The following DNAH6 variants were observed in gnomAD, a reference collection of about 807,000 sequenced individuals.
DNAH6 encodes the protein dynein axonemal heavy chain 6.
DNAH6 carries 340 observed loss-of-function variants against 491.4 expected under a neutral mutation model. The ratio of observed to expected loss-of-function variants is 0.69; its 90% CI spans 0.63 to 0.76. The LOEUF (loss-of-function observed/expected upper bound fraction) is 0.76, where lower values mean the gene tolerates loss of function less well. DNAH6 is among the 30% of genes least tolerant of loss of function. DNAH6 has a pLI of 0.00. For missense variants in DNAH6, 4,443 were observed against 4,972.2 expected (o/e 0.89, Z 3.20); for synonymous variants, 1,603 against 1,686.1 (o/e 0.95, Z 1.21).
At chr2:84,771,885 G>A (rs975435070) in intron 64 of DNAH6, among the ~76,000 whole-genome samples, 7 of 152,108 alleles carry the variant, frequency 4.6e-5, no homozygotes, top group Non-Finnish European at 7.4e-5. Flanking sequence ...TTCACACGAA[G>A]AAATAAATAA....
intron 61 of DNAH6, among the ~76,000 whole-genome samples, chr2:84,730,692 T>C (rs917821813): frequency 2.6e-5 from 4 of 152,238 alleles, no homozygotes; most frequent in African/African-American, 7.2e-5. Context: ...AAGCATTTTC[T>C]CTTAATGCTA....
At chr2:84,552,815 C>A in intron 9 of DNAH6, 103 bp from the exon 10 acceptor site, 1 of 550,636 alleles carries the variant, frequency 1.8e-6, no homozygotes. Context: ...ATAATGAATT[C>A]AGCTAATTAT....
chr2:84,812,023 T>A (rs1194447424), intron 72 of DNAH6, among the ~76,000 whole-genome samples: 3 of 152,178 alleles, frequency 2.0e-5, no homozygotes, highest in Non-Finnish European at 4.4e-5. Context: ...CTATTTTTCT[T>A]TTGGCCTGGA....
chr2:84,776,060 T>C (rs1320433919), intron 64 of DNAH6, among the ~76,000 whole-genome samples: 1 of 152,218 alleles, frequency 6.6e-6, no homozygotes, highest in Admixed American at 6.5e-5. Flanking sequence ...TATATGTAGA[T>C]CTTTTCACAT....
At chr2:84,738,373 T>C (rs1192321) in intron 62 of DNAH6, among the ~76,000 whole-genome samples, 5,502 of 152,064 alleles carry the variant, frequency 0.036, 149 homozygotes, top group South Asian at 0.062. Context: ...CAAATGGTCA[T>C]GTCGAATTTA....
chr2:84,625,679 A>G (rs1687795265), intron 29 of DNAH6, among the ~76,000 whole-genome samples: 1 of 152,206 alleles, frequency 6.6e-6, no homozygotes, highest in Non-Finnish European at 1.5e-5. Flanking sequence ...GTTTTTGTAA[A>G]ACAAAACTTC....
At chr2:84,741,140 A>G (rs1158393207) in intron 62 of DNAH6, among the ~76,000 whole-genome samples, 9 of 152,096 alleles carry the variant, frequency 5.9e-5, no homozygotes. Flanking sequence ...AAGGCATTGG[A>G]CATTGTCCTA....
intron 70 of DNAH6, among the ~76,000 whole-genome samples, chr2:84,799,998 C>A (rs942829475): frequency 6.6e-6 from 1 of 152,194 alleles, no homozygotes; most frequent in African/African-American, 2.4e-5. Context: ...CCTCCACCCC[C>A]ACTGAGGGCT....
the DNAH6 span, among the ~76,000 whole-genome samples, chr2:84,504,712 C>T: frequency 5.3e-5 from 8 of 152,260 alleles, no homozygotes; most frequent in African/African-American, 1.7e-4. Context: ...CTATTATATT[C>T]ATCTATATGT....
intron 4 of DNAH6, 139 bp downstream of exon 4, chr2:84,529,305 CACA>C (rs1421767518): frequency 5.7e-6 from 4 of 699,790 alleles, no homozygotes; most frequent in East Asian, 2.9e-5. Flanking sequence ...GAATCCTAAT[CACA>C]ACAATTTTGT....
chr2:84,511,613 G>A (rs139960859), upstream of DNAH6, among the ~76,000 whole-genome samples: 117 of 152,272 alleles, frequency 7.7e-4, no homozygotes, highest in Admixed American at 1.4e-3. Context: ...CCAGTGAGAC[G>A]AACCCAGTAC....
At chr2:84,629,100 G>C (rs1349772536) in intron 29 of DNAH6, among the ~76,000 whole-genome samples, 1 of 151,992 alleles carries the variant, frequency 6.6e-6, no homozygotes. Context: ...TAATACTATA[G>C]CTCTATTTTT....
chr2:84,785,088 T>TGGGA (rs1677053357), intron 66 of DNAH6, among the ~76,000 whole-genome samples: 1 of 152,170 alleles, frequency 6.6e-6, no homozygotes, highest in Non-Finnish European at 1.5e-5. Flanking sequence ...GAACCCCTTC[T>TGGGA]AGTGTTAAGG....
At chr2:84,702,791 C>T (rs965422436) in intron 49 of DNAH6, among the ~76,000 whole-genome samples, 3 of 152,120 alleles carry the variant, frequency 2.0e-5, no homozygotes, top group African/African-American at 7.2e-5. Context: ...CCACCTCAGC[C>T]TCCCAAAGTG....
chr2:84,814,440 G>A (rs1430852448), intron 75 of DNAH6, among the ~76,000 whole-genome samples: 1 of 152,228 alleles, frequency 6.6e-6, no homozygotes, highest in African/African-American at 2.4e-5. Flanking sequence ...AGAGAAGCCT[G>A]AGTTTGAATT....
intron 15 of DNAH6, among the ~76,000 whole-genome samples, chr2:84,586,033 G>T (rs1683506131): frequency 6.6e-6 from 1 of 152,212 alleles, no homozygotes; most frequent in Non-Finnish European, 1.5e-5. Context: ...GTTGGGCCTT[G>T]ACTTTGCTCC....
chr2:84,772,274 A>G (rs2105181448), intron 64 of DNAH6, among the ~76,000 whole-genome samples: 1 of 152,322 alleles, frequency 6.6e-6, no homozygotes, highest in Non-Finnish European at 1.5e-5. Flanking sequence ...AAAAGAAGGC[A>G]GTGATTGAGG....
chr2:84,772,223 A>G (rs1445451244), intron 64 of DNAH6, among the ~76,000 whole-genome samples: 2 of 152,154 alleles, frequency 1.3e-5, no homozygotes, highest in African/African-American at 4.8e-5. Context: ...CAATATAGTA[A>G]AAGAAATCAG....
chr2:84,489,636 C>T, the DNAH6 span, among the ~76,000 whole-genome samples: 2 of 152,084 alleles, frequency 1.3e-5, no homozygotes. Context: ...AAAATTAGCT[C>T]TGCCTTGCAC....
Sources: allele counts gnomAD v4.1 joint callset (sites outside exome capture counted in the v4.1 genomes callset), GRCh38; gene constraint gnomAD v4.1.1; transcripts MANE v1.5; gene names NCBI Gene and HGNC (gene_info 2026-07-23, HGNC 2026-07-21).